Variants in EXT1 observed in about 807,000 individuals in gnomAD.
The protein encoded by EXT1 is exostosin-1.
EXT1 carries 20 observed loss-of-function variants against 82.5 expected under a neutral mutation model. The observed-to-expected ratio is 0.24, with a 90% CI of 0.17 to 0.35. The LOEUF (loss-of-function observed/expected upper bound fraction) is 0.35. Ranked by LOEUF, EXT1 falls within the 10% of genes least tolerant of loss-of-function variation. The pLI is 1.00. For synonymous variants in EXT1, 348 were observed against 350.8 expected (o/e 0.99, Z 0.09); for missense variants, 757 against 936.5 (o/e 0.81, Z 2.50).
At chr8:118,063,853 T>G (rs1816928390) in intron 1 of EXT1, among the ~76,000 whole-genome samples, 1 of 150,222 alleles carries the variant, frequency 6.7e-6, no homozygotes, top group African/African-American at 2.5e-5. Context: ...ACACTTTATT[T>G]ATTTACTTAT....
At chr8:118,066,019 A>G (rs909585922) in intron 1 of EXT1, among the ~76,000 whole-genome samples, 2 of 152,356 alleles carry the variant, frequency 1.3e-5, no homozygotes, top group East Asian at 3.9e-4. Flanking sequence ...ACTGTCCAGT[A>G]CTATCTTAAA....
chr8:118,029,855 T>G (rs961634810), intron 1 of EXT1, among the ~76,000 whole-genome samples: 1 of 152,224 alleles, frequency 6.6e-6, no homozygotes, highest in Non-Finnish European at 1.5e-5. Context: ...CATTCCTTAT[T>G]GATTTTGAGC....
chr8:117,847,929 C>T (rs543469660), intron 1 of EXT1, among the ~76,000 whole-genome samples: 1 of 152,168 alleles, frequency 6.6e-6, no homozygotes, highest in Non-Finnish European at 1.5e-5. Flanking sequence ...TCAGCTGATG[C>T]CACCAACCTC....
At chr8:118,105,762 C>T (rs1261951477) in intron 1 of EXT1, among the ~76,000 whole-genome samples, 2 of 152,070 alleles carry the variant, frequency 1.3e-5, no homozygotes, top group Non-Finnish European at 2.9e-5. Flanking sequence ...AATCTCAATT[C>T]CCACCTTTCA....
At chr8:118,102,078 C>T (rs1817729288) in intron 1 of EXT1, among the ~76,000 whole-genome samples, 1 of 152,000 alleles carries the variant, frequency 6.6e-6, no homozygotes, top group African/African-American at 2.4e-5. Context: ...ACCCGCCTGG[C>T]CAATACAGCA....
chr8:117,883,218 C>T (rs1416262878), intron 1 of EXT1, among the ~76,000 whole-genome samples: 1 of 152,150 alleles, frequency 6.6e-6, no homozygotes, highest in Non-Finnish European at 1.5e-5. Flanking sequence ...TAAGAGGGTT[C>T]ACTTATGTGA....
chr8:117,946,840 G>A (rs1179337858), intron 1 of EXT1, among the ~76,000 whole-genome samples: 5 of 152,196 alleles, frequency 3.3e-5, no homozygotes, highest in Admixed American at 6.5e-5. Context: ...AACTTATATG[G>A]AGGAATGAAA....
intron 1 of EXT1, among the ~76,000 whole-genome samples, chr8:117,979,383 A>C (rs936271326): frequency 6.7e-6 from 1 of 149,656 alleles, no homozygotes; most frequent in Non-Finnish European, 1.5e-5. Context: ...AACAAACAAA[A>C]AAACAAAACA....
In EXT1 at chr8:117,807,318, C is replaced by T. The variant is rs61753261; in HGVS notation, c.1782G>A (p.Ala594=). ...TAGAGTTATCCCAGAAGTGGCTGCG[C>T]GCGGGGTACCCCACAATCCTCTCAG... The part of the protein sequence containing the change: ...SFPERIVGYP[A]RSHFWDNSKE... Residue 594 remains alanine, a synonymous_variant, in exon 9 of 11, where the codon GCG becomes GCA. Transcript: ENST00000378204. 809 of 1,614,182 alleles carry T rather than the reference C, an allele frequency of 5.0e-4. 1 individual carries two copies. The highest frequency in any genetic ancestry group is 4.9e-4 in the Non-Finnish European group (573 of 1,180,034).
chr8:117,864,480 T>C (rs1586249761), intron 1 of EXT1, among the ~76,000 whole-genome samples: 1 of 152,202 alleles, frequency 6.6e-6, no homozygotes, highest in Admixed American at 6.5e-5. Context: ...TCAGGAGCAG[T>C]GGCTCACGCC....
chr8:117,822,449 G>C lies in EXT1; in HGVS notation c.1417+16C>G. 1 of 1,612,280 alleles carries C rather than the reference G, an allele frequency of 6.2e-7. No homozygotes were observed. The highest frequency in any genetic ancestry group is 8.5e-7 in the Non-Finnish European group (1 of 1,179,520). On this transcript the variant is annotated intron_variant, in intron 5 of 10. Coordinates refer to ENST00000378204, the MANE Select transcript of EXT1 (RefSeq NM_000127.3). Reference sequence around the variant, plus strand: ...CAGGGTAAACAAGGGCAACTCCCTGGAGGAAATTCACTTACCTAAATTAGC... The same window carrying C: ...CAGGGTAAACAAGGGCAACTCCCTGCAGGAAATTCACTTACCTAAATTAGC...
At chr8:117,887,749 A>T (rs1054237438) in intron 1 of EXT1, among the ~76,000 whole-genome samples, 2 of 152,136 alleles carry the variant, frequency 1.3e-5, no homozygotes, top group Non-Finnish European at 2.9e-5. Context: ...ATTATTATCA[A>T]GAAACTGATA....
In EXT1 at chr8:117,825,473, C is replaced by G. The variant is rs1230926965; in HGVS notation, c.1285-2876G>C. On this transcript the variant is annotated intron_variant, in intron 4 of 10. Transcript: ENST00000378204. ...TGGCTATAAACAAAATCAATACACA[C>G]ACACACATACACAAACAGATAATAC... Among the ~76,000 whole-genome samples the G allele has an allele frequency of 2.0e-5, 3 of 152,156 alleles. No individual in the cohort carries two copies. The East Asian group carries it at 5.8e-4, about 29-fold the overall frequency.
At chr8:117,945,401 C>T (rs1285917490) in intron 1 of EXT1, among the ~76,000 whole-genome samples, 3 of 152,182 alleles carry the variant, frequency 2.0e-5, no homozygotes, top group Non-Finnish European at 4.4e-5. Context: ...TCTTTTCAAG[C>T]TGGACTCCAC....
At chr8:117,955,063 G>C (rs1041814215) in intron 1 of EXT1, among the ~76,000 whole-genome samples, 1 of 152,124 alleles carries the variant, frequency 6.6e-6, no homozygotes, top group African/African-American at 2.4e-5. Flanking sequence ...CAAGAAAACA[G>C]CTTACTATTA....
At chr8:117,925,304 T>C (rs1187026085) in intron 1 of EXT1, among the ~76,000 whole-genome samples, 1 of 151,502 alleles carries the variant, frequency 6.6e-6, no homozygotes, top group Non-Finnish European at 1.5e-5. Context: ...GCATTTAGTA[T>C]GGTCTCTGGC....
intron 1 of EXT1, among the ~76,000 whole-genome samples, chr8:118,090,297 C>A (rs546245489): frequency 6.6e-6 from 1 of 152,074 alleles, no homozygotes; most frequent in African/African-American, 2.4e-5. Flanking sequence ...TGGTGGCACA[C>A]GTCCTGCTGG....
intron 1 of EXT1, among the ~76,000 whole-genome samples, chr8:117,933,049 C>T (rs1586293496): frequency 6.6e-6 from 1 of 152,218 alleles, no homozygotes; most frequent in South Asian, 2.1e-4. Flanking sequence ...ATACTGGCTG[C>T]TCTCTCTCAG....
chr8:117,916,160 AT>A (rs1813745018), intron 1 of EXT1, among the ~76,000 whole-genome samples: 1 of 152,254 alleles, frequency 6.6e-6, no homozygotes, highest in African/African-American at 2.4e-5. Flanking sequence ...AACTTTACCC[AT>A]GTTAATGAAG....
Sources: gnomAD v4.1 joint callset for allele counts (sites outside exome capture counted in the v4.1 genomes callset) on GRCh38, gnomAD v4.1.1 for gene constraint, MANE v1.5 for transcripts, NCBI Gene and HGNC (gene_info 2026-07-23, HGNC 2026-07-21) for gene names.